Variants in ACLY observed in about 807,000 individuals in gnomAD.
ACLY encodes the protein ATP-citrate synthase.
ACLY carries 41 observed loss-of-function variants against 133.0 expected under a neutral mutation model. That is an observed-to-expected ratio of 0.31 (90% confidence interval 0.24 to 0.40). ACLY has a LOEUF of 0.40. Ranked by LOEUF, ACLY falls within the 10% of genes least tolerant of loss-of-function variation. The probability of loss-of-function intolerance (pLI) is 1.00; values close to 1 mark genes in which losing one functional copy is unlikely to be tolerated. For synonymous variants in ACLY, 495 were observed against 549.3 expected, an observed-to-expected ratio of 0.90 and a Z score of 1.38; for missense variants, 1,046 against 1,453.8, an observed-to-expected ratio of 0.72 and a Z score of 4.56.
upstream of ACLY, among the ~76,000 whole-genome samples, chr17:41,919,320 A>AGGGGGGGGGGGG (rs2050144149): frequency 2.0e-5 from 3 of 149,000 alleles, no homozygotes; most frequent in African/African-American, 4.9e-5. Context: ...AGGGGCGGGT[A>AGGGGGGGGGGGG]GGATTAGCCC....
intron 25 of ACLY, chr17:41,870,537 G>A (rs1237372325): frequency 6.6e-6 from 1 of 152,252 alleles, no homozygotes; most frequent in Non-Finnish European, 1.5e-5. Context: ...GAGCTACAGA[G>A]CCAAGGAGCC....
intron 22 of ACLY, among the ~76,000 whole-genome samples, chr17:41,876,034 G>A (rs1331465699): frequency 1.3e-5 from 2 of 152,022 alleles, no homozygotes; most frequent in African/African-American, 2.4e-5. Flanking sequence ...TCTAGGAGGT[G>A]AGGAGCGTCT....
chr17:41,927,245 C>A (rs1555636077), intron 1 of ACLY, among the ~76,000 whole-genome samples: 4 of 152,342 alleles, frequency 2.6e-5, no homozygotes, highest in African/African-American at 9.6e-5. Context: ...TTCCTCACCT[C>A]CATGAGTTTC....
chr17:41,910,608 G>A (rs1232479883), intron 3 of ACLY, among the ~76,000 whole-genome samples: 1 of 152,196 alleles, frequency 6.6e-6, no homozygotes, highest in South Asian at 2.1e-4. Flanking sequence ...TTGACGGGGA[G>A]GGGAAACCGG....
At chr17:41,878,958 T>C in intron 20 of ACLY, 34 bp from the exon 21 acceptor site, 1 of 1,613,126 alleles carries the variant, frequency 6.2e-7, no homozygotes, top group African/African-American at 1.3e-5. Flanking sequence ...TTACTGCTAA[T>C]CCCCCAAGAG....
intron 1 of ACLY, among the ~76,000 whole-genome samples, chr17:41,916,116 A>T (rs782118338): frequency 6.6e-5 from 10 of 152,186 alleles, no homozygotes; most frequent in Non-Finnish European, 1.3e-4. Flanking sequence ...GCCCATCTCC[A>T]TAGGGTCTTT....
intron 20 of ACLY, among the ~76,000 whole-genome samples, chr17:41,880,205 C>T (rs1040875931): frequency 6.6e-6 from 1 of 152,172 alleles, no homozygotes; most frequent in African/African-American, 2.4e-5. Context: ...TAGCTATGAT[C>T]GTTTCCTATA....
chr17:41,913,524 C>T (rs1161070027), intron 2 of ACLY, among the ~76,000 whole-genome samples, 191 bp downstream of exon 2: 1 of 152,244 alleles, frequency 6.6e-6, no homozygotes, highest in African/African-American at 2.4e-5. Flanking sequence ...CAGGGTATAC[C>T]ATGCTGGGGT....
Position 41,867,728 on chromosome 17 carries a change from C to G in ACLY, c.*82G>C. The G allele has an allele frequency of 8.7e-7, 1 of 1,145,864 alleles. No individual in the cohort carries two copies. The highest frequency in any genetic ancestry group is 1.2e-6 in the Non-Finnish European group (1 of 803,950). The allele number at this position is 1,145,864 out of a possible 1,614,324, so 71.0% of individuals were successfully genotyped here. ...CCAGGCCCCTGCTAAATAAAGCAGG[C>G]TCCACTGCCAGCTGTCTGTACACTT... On this transcript the variant is annotated 3_prime_UTR_variant, in exon 29 of 29. Coordinates refer to ENST00000352035, the MANE Select transcript of ACLY (RefSeq NM_001096.3).
chr17:41,904,547 G>A, intron 10 of ACLY, 182 bp downstream of exon 10: 1 of 609,860 alleles, frequency 1.6e-6, no homozygotes, highest in Non-Finnish European at 2.9e-6. Flanking sequence ...ACACAGCGCA[G>A]ATGGGCAGCT....
intron 22 of ACLY, among the ~76,000 whole-genome samples, chr17:41,876,951 G>C (rs1340452676): frequency 1.3e-5 from 2 of 151,918 alleles, no homozygotes; most frequent in Non-Finnish European, 2.9e-5. Flanking sequence ...AAGAAATGGG[G>C]GAGCCCTTCA....
chr17:41,901,653 C>A (rs2049544203), intron 11 of ACLY, 43 bp downstream of exon 11: 1 of 1,543,842 alleles, frequency 6.5e-7, no homozygotes, highest in East Asian at 2.3e-5. Context: ...AGGAAGGCCA[C>A]CCACACTCAG....
exon 1 of ACLY, chr17:41,930,442 C>A (rs1555636490): frequency 2.8e-6 from 1 of 351,898 alleles, no homozygotes; most frequent in African/African-American, 2.1e-5. Context: ...CCTTTTCAGG[C>A]AGCAACTCCA....
At position 41,880,792 on chromosome 17, in the gene ACLY, G is replaced by A. The variant is rs542004023; in HGVS notation, c.2266-1868C>T. ...GAAACAGCAGAATGGCGTGAACCCC[G>A]GAGGTGGAGCTTGCAGTGAGCCGAG... On this transcript the variant is annotated intron_variant, in intron 20 of 28. Transcript: ENST00000352035. Among the ~76,000 whole-genome samples the A allele has an allele frequency of 9.2e-5, 14 of 152,142 alleles. No homozygotes were observed. The East Asian group carries it at 2.3e-3, about 25-fold the overall frequency.
At chr17:41,905,807 A>G in intron 8 of ACLY, 149 bp from the exon 9 acceptor site, 1 of 953,644 alleles carries the variant, frequency 1.0e-6, no homozygotes, top group East Asian at 2.5e-5. Flanking sequence ...ATTCCCATGC[A>G]AGTCTGGCCT....
chr17:41,871,865 C>CT, intron 24 of ACLY, 33 bp from the exon 25 acceptor site: 1 of 1,611,498 alleles, frequency 6.2e-7, no homozygotes, highest in Non-Finnish European at 8.5e-7. Flanking sequence ...TTGCCTTGAG[C>CT]TTTAAGAGTT....
intron 22 of ACLY, among the ~76,000 whole-genome samples, chr17:41,875,312 T>C (rs1469562273): frequency 4.8e-5 from 7 of 144,944 alleles, no homozygotes; most frequent in Middle Eastern, 3.5e-3. Flanking sequence ...ATCGCACCAT[T>C]GCACTCCAGC....
chr17:41,912,344 C>T, intron 3 of ACLY, 76 bp downstream of exon 3: 1 of 1,565,358 alleles, frequency 6.4e-7, no homozygotes, highest in Non-Finnish European at 8.7e-7. Context: ...GGGTGATCCA[C>T]AGAGCTGCTG....
At chr17:41,877,657 C>T (rs1318216266) in intron 22 of ACLY, among the ~76,000 whole-genome samples, 1 of 152,074 alleles carries the variant, frequency 6.6e-6, no homozygotes, top group Non-Finnish European at 1.5e-5. Flanking sequence ...AAGAGATTAT[C>T]ATTTGAGTCA....
Sources: allele counts gnomAD v4.1 joint callset (sites outside exome capture counted in the v4.1 genomes callset), GRCh38; gene constraint gnomAD v4.1.1; transcripts MANE v1.5; gene names NCBI Gene and HGNC (gene_info 2026-07-23, HGNC 2026-07-21).